PPP2R2C: variants seen among roughly 807,000 people sequenced by gnomAD.
PPP2R2C encodes protein phosphatase 2, regulatory subunit B, gamma.
Under a neutral mutation model 45.3 loss-of-function variants are expected in PPP2R2C, and 10 were observed. The ratio of observed to expected loss-of-function variants is 0.22; its 90% CI spans 0.14 to 0.37. The LOEUF is 0.37. Among genes scored for constraint, PPP2R2C ranks in the 10% least tolerant of loss-of-function variants. PPP2R2C has a pLI of 1.00. For missense variants in PPP2R2C, 308 were observed against 619.7 expected, an observed-to-expected ratio of 0.50 and a Z score of 5.34; for synonymous variants, 257 against 245.4, an observed-to-expected ratio of 1.05 and a Z score of -0.44.
intron 1 of PPP2R2C, among the ~76,000 whole-genome samples, chr4:6,418,481 C>T (rs997644448): frequency 2.6e-5 from 4 of 152,274 alleles, no homozygotes; most frequent in Non-Finnish European, 5.9e-5. Context: ...CACGCTTAAA[C>T]ATCCTCCTCC....
At chr4:6,523,590 GACGCGGGACCTGC>G (rs1724094668) in intron 2 of PPP2R2C, 1 of 152,240 alleles carries the variant, frequency 6.6e-6, no homozygotes, top group Non-Finnish European at 1.5e-5. Context: ...TGTTGGGAGA[GACGCGGGACCTGC>G]ACACACTGCT....
intron 1 of PPP2R2C, among the ~76,000 whole-genome samples, chr4:6,421,643 A>G (rs1378676960): frequency 1.3e-5 from 2 of 152,088 alleles, no homozygotes; most frequent in African/African-American, 4.8e-5. Context: ...GTGACTCCAG[A>G]CGCGAGGGGG....
At chr4:6,340,690 C>T (rs1388299933) in intron 6 of PPP2R2C, among the ~76,000 whole-genome samples, 1 of 152,248 alleles carries the variant, frequency 6.6e-6, no homozygotes, top group African/African-American at 2.4e-5. Flanking sequence ...CCCACTTCTA[C>T]CTCACCCCTC....
intron 1 of PPP2R2C, among the ~76,000 whole-genome samples, chr4:6,410,840 GTTTTATTTATTTATTTATTT>G (rs1292531513): frequency 7.5e-6 from 1 of 132,972 alleles, no homozygotes; most frequent in African/African-American, 2.7e-5. Context: ...TATTCCCCCT[GTTTTATTTATTTATTTATTT>G]ATTTATTTAT....
At chr4:6,482,566 G>T (rs1722391321) in intron 2 of PPP2R2C, among the ~76,000 whole-genome samples, 1 of 152,158 alleles carries the variant, frequency 6.6e-6, no homozygotes, top group African/African-American at 2.4e-5. Flanking sequence ...CAGTAGGAAG[G>T]CTATTGATTT....
intron 2 of PPP2R2C, among the ~76,000 whole-genome samples, chr4:6,486,320 G>A (rs572754365): frequency 5.9e-5 from 9 of 152,060 alleles, no homozygotes; most frequent in South Asian, 2.1e-4. Context: ...ATGAATGTTC[G>A]GTGGTGTGTA....
rs140187944 is a variant in PPP2R2C at position 6,378,513 on chromosome 4, G to A, written c.228C>T (p.His76=). 7.4e-5 allele frequency: 119 copies of A among 1,614,000 alleles called. No homozygotes were observed. Among genetic ancestry groups the A allele is most frequent in the African/African-American group, 2.7e-4 (20 of 74,900 alleles). The change falls in exon 3 of 9, where the codon CAC becomes CAT. Residue 76 remains histidine, a synonymous_variant. Coordinates refer to ENST00000382599, the MANE Select transcript of PPP2R2C (RefSeq NM_020416.4). The surrounding 1 kb of genome is among the most constrained non-coding windows in gnomAD (Gnocchi z 5.2). ...EYDVYSTFQS[H]EPEFDYLKSL... ...TCTTGAGATAGTCAAACTCCGGCTC[G>A]TGGCTCTGGAAAGTGCTGTACACGT...
chr4:6,535,141 G>A (rs1048192720), intron 2 of PPP2R2C: 7 of 1,081,834 alleles, frequency 6.5e-6, no homozygotes, highest in Non-Finnish European at 9.3e-6. Flanking sequence ...GCAGGGGAGG[G>A]ACCGGATCCC....
chr4:6,349,195 G>C, intron 5 of PPP2R2C: 1 of 985,192 alleles, frequency 1.0e-6, no homozygotes. Flanking sequence ...CTCAGGCTCC[G>C]GTCTCCCCGG....
intron 8 of PPP2R2C, among the ~76,000 whole-genome samples, chr4:6,325,062 G>C (rs1455304403): frequency 6.6e-6 from 1 of 152,218 alleles, no homozygotes; most frequent in East Asian, 1.9e-4. Context: ...GTTATGCACA[G>C]AGGACAAAAG....
intron 6 of PPP2R2C, among the ~76,000 whole-genome samples, chr4:6,346,464 T>C (rs6856061): frequency 0.79 from 119,938 of 152,066 alleles, 48,557 homozygotes; most frequent in East Asian, 0.95. Context: ...CCTGACTTTG[T>C]GGGTGTTGGT....
chr4:6,379,003 C>A (rs779491435), intron 2 of PPP2R2C, among the ~76,000 whole-genome samples: 6 of 150,698 alleles, frequency 4.0e-5, no homozygotes, highest in Non-Finnish European at 5.9e-5. Flanking sequence ...GCGAGCACCC[C>A]TCTGCCGAGG....
intron 1 of PPP2R2C, among the ~76,000 whole-genome samples, chr4:6,418,453 G>A (rs971488505): frequency 2.6e-5 from 4 of 152,224 alleles, no homozygotes; most frequent in Non-Finnish European, 5.9e-5. Context: ...CCAACTCCAC[G>A]CTCCTATCAC....
chr4:6,349,597 T>G (rs1712341751), intron 5 of PPP2R2C: 1 of 985,064 alleles, frequency 1.0e-6, no homozygotes. Context: ...TCCCAGCACT[T>G]TGGGAGGCCG....
chr4:6,338,265 G>A lies in PPP2R2C; in HGVS notation c.791-4534C>T, dbSNP rs183894437. Among the ~76,000 whole-genome samples, 7 of 152,300 alleles carry A rather than the reference G, an allele frequency of 4.6e-5. No individual in the cohort carries two copies. In the East Asian group the frequency reaches 7.7e-4, roughly 17 times the overall value. The stretch of plus-strand genomic sequence containing the variant: ...AAAGTTGGAGAGCTCTCAATCAGCC[G>A]AAATCTCCATCCTGTTTCTTTTTAA... On this transcript the variant is annotated intron_variant, in intron 6 of 8. Coordinates refer to ENST00000382599, the MANE Select transcript of PPP2R2C (RefSeq NM_020416.4).
chr4:6,457,337 T>C (rs368734577), intron 1 of PPP2R2C, among the ~76,000 whole-genome samples: 1 of 152,214 alleles, frequency 6.6e-6, no homozygotes, highest in East Asian at 1.9e-4. Flanking sequence ...AAGTCTTTTA[T>C]GGACAGTTAC....
At chr4:6,517,671 G>T (rs1723866713) in intron 2 of PPP2R2C, among the ~76,000 whole-genome samples, 1 of 152,188 alleles carries the variant, frequency 6.6e-6, no homozygotes. Flanking sequence ...CTACAGAAAT[G>T]CATCCCCTCC....
intron 2 of PPP2R2C, among the ~76,000 whole-genome samples, chr4:6,511,525 ATGGTGGTGGTGGTGGTGGTGATG>A (rs1560593844): frequency 2.2e-4 from 1 of 4,650 alleles, no homozygotes; most frequent in Admixed American, 3.0e-3. Context: ...GGTGGTGGTG[ATGGTGGTGGTGGTGGTGGTGATG>A]GTGGTGGTGG....
At chr4:6,462,550 G>C (rs1415750513) in intron 1 of PPP2R2C, among the ~76,000 whole-genome samples, 2 of 152,148 alleles carry the variant, frequency 1.3e-5, no homozygotes, top group Non-Finnish European at 2.9e-5. Context: ...TGGAGGCTGA[G>C]TCTAGGTCAG....
Sources: allele counts gnomAD v4.1 joint callset (sites outside exome capture counted in the v4.1 genomes callset), GRCh38; gene constraint gnomAD v4.1.1; non-coding constraint Gnocchi (gnomAD v3.1); transcripts MANE v1.5; gene names NCBI Gene and HGNC (gene_info 2026-07-23, HGNC 2026-07-21).